The following LAMA2 variants were observed in gnomAD, a reference collection of about 807,000 sequenced individuals.
LAMA2 encodes laminin subunit alpha-2.
A neutral mutation model predicts 364.8 loss-of-function variants in LAMA2; 269 were observed. The observed-to-expected ratio is 0.74, with a 90% CI of 0.67 to 0.82. The LOEUF is 0.82. Among genes scored for constraint, LAMA2 ranks in the 40% least tolerant of loss-of-function variants. The pLI is 0.00. For missense variants in LAMA2, 3,807 were observed against 3,873.2 expected, an observed-to-expected ratio of 0.98 and a Z score of 0.45; for synonymous variants, 1,379 against 1,370.6, an observed-to-expected ratio of 1.01 and a Z score of -0.14.
intron 1 of LAMA2, among the ~76,000 whole-genome samples, chr6:128,958,850 C>G (rs1361488135): frequency 1.3e-5 from 2 of 152,084 alleles, no homozygotes; most frequent in African/African-American, 4.8e-5. Context: ...CTAGCATTTA[C>G]CCCCGGATTT....
intron 1 of LAMA2, among the ~76,000 whole-genome samples, chr6:129,005,640 T>A (rs1331973080): frequency 6.6e-6 from 1 of 151,526 alleles, no homozygotes; most frequent in African/African-American, 2.4e-5. Flanking sequence ...CATTATTTTA[T>A]ACTGAAAAGT....
rs537213397 is a variant in LAMA2 at position 129,344,532 on chromosome 6, G to T, written c.4436+2065G>T. ...AACATATCTGTCTGAATGGAAATAT[G>T]CAAATAGCTGCAGGAAATGGAAATC... is the stretch of plus-strand genomic sequence containing the variant. On this transcript the variant is annotated intron_variant, in intron 30 of 64. Coordinates refer to ENST00000421865, the MANE Select transcript of LAMA2 (RefSeq NM_000426.4). 2.6e-5 allele frequency among the ~76,000 whole-genome samples: 4 copies of T among 152,320 alleles called. No individual in the cohort carries two copies. In the East Asian group the frequency reaches 7.7e-4, roughly 29 times the overall value.
At chr6:128,912,564 T>C (rs926741756) in intron 1 of LAMA2, among the ~76,000 whole-genome samples, 3 of 152,156 alleles carry the variant, frequency 2.0e-5, no homozygotes, top group South Asian at 2.1e-4. Context: ...AAGGCAGTGA[T>C]ACAAAAGGAA....
intron 4 of LAMA2, among the ~76,000 whole-genome samples, chr6:129,113,543 C>T (rs536183613): frequency 1.6e-4 from 25 of 152,052 alleles, no homozygotes; most frequent in Admixed American, 1.3e-3. Flanking sequence ...ATGACATACC[C>T]TCTACTAGTT....
chr6:128,995,439 A>G (rs1783868811), intron 1 of LAMA2, among the ~76,000 whole-genome samples: 1 of 152,194 alleles, frequency 6.6e-6, no homozygotes, highest in South Asian at 2.1e-4. Flanking sequence ...CTCCTGCTTC[A>G]GCCTCCATAG....
At chr6:129,217,175 G>A (rs1016962118) in intron 12 of LAMA2, among the ~76,000 whole-genome samples, 4 of 139,242 alleles carry the variant, frequency 2.9e-5, no homozygotes, top group East Asian at 4.0e-4. Context: ...GTGACAGAGC[G>A]AGACTCCATC....
chr6:129,095,175 A>G (rs74615293), intron 3 of LAMA2, among the ~76,000 whole-genome samples: 2 of 152,358 alleles, frequency 1.3e-5, no homozygotes, highest in East Asian at 3.9e-4. Context: ...ACCCTGAGAT[A>G]ACTTGTGGCT....
intron 15 of LAMA2, 35 bp from the exon 16 acceptor site, chr6:129,267,071 C>A: frequency 7.4e-7 from 1 of 1,346,438 alleles, no homozygotes; most frequent in Non-Finnish European, 1.1e-6. Flanking sequence ...TTGTTTTAAT[C>A]TCCAAGACTG....
intron 40 of LAMA2, among the ~76,000 whole-genome samples, chr6:129,408,204 A>G (rs549864049): frequency 2.0e-5 from 3 of 152,228 alleles, no homozygotes; most frequent in South Asian, 2.1e-4. Flanking sequence ...AACACTGGCT[A>G]TGGGAGAAAC....
chr6:129,410,445 G>A (rs557446929), intron 40 of LAMA2, among the ~76,000 whole-genome samples: 1 of 152,084 alleles, frequency 6.6e-6, no homozygotes, highest in African/African-American at 2.4e-5. Context: ...CTCTGTCTCT[G>A]TCTCTCTTAC....
chr6:129,119,734 C>G (rs754370448), intron 4 of LAMA2, among the ~76,000 whole-genome samples: 30 of 152,032 alleles, frequency 2.0e-4, no homozygotes, highest in East Asian at 3.9e-4. Flanking sequence ...ATTTTTAGTA[C>G]AGACGGGGTT....
intron 22 of LAMA2, among the ~76,000 whole-genome samples, chr6:129,309,287 A>G (rs1774065327): frequency 6.6e-6 from 1 of 152,090 alleles, no homozygotes; most frequent in African/African-American, 2.4e-5. Context: ...AACAAATATT[A>G]CCTCTATTTA....
chr6:128,897,168 G>C (rs927646997), intron 1 of LAMA2, among the ~76,000 whole-genome samples: 1 of 152,224 alleles, frequency 6.6e-6, no homozygotes, highest in African/African-American at 2.4e-5. Context: ...AACCCTGAAA[G>C]AGTACAAATT....
intron 1 of LAMA2, among the ~76,000 whole-genome samples, chr6:128,896,440 G>T (rs186510098): frequency 1.3e-5 from 2 of 150,154 alleles, no homozygotes; most frequent in East Asian, 3.9e-4. Context: ...ACACATTCCA[G>T]TAACACTGAA....
intron 1 of LAMA2, among the ~76,000 whole-genome samples, chr6:128,969,752 A>G (rs1309112576): frequency 6.6e-6 from 1 of 152,164 alleles, no homozygotes; most frequent in African/African-American, 2.4e-5. Context: ...TATTATGTAC[A>G]CAGAAGTTAC....
intron 1 of LAMA2, among the ~76,000 whole-genome samples, chr6:128,997,766 G>A (rs1784080888): frequency 6.6e-6 from 1 of 152,158 alleles, no homozygotes; most frequent in South Asian, 2.1e-4. Flanking sequence ...TTGCACTCCA[G>A]CCTGGCCAAC....
chr6:129,487,334 A>G (rs928141606), intron 56 of LAMA2, among the ~76,000 whole-genome samples: 3 of 152,232 alleles, frequency 2.0e-5, no homozygotes, highest in Middle Eastern at 3.2e-3. Context: ...CTTTATTAGG[A>G]AAGTCATCTG....
chr6:129,112,149 A>T (rs187620205), intron 4 of LAMA2, among the ~76,000 whole-genome samples: 9 of 152,144 alleles, frequency 5.9e-5, no homozygotes, highest in Admixed American at 5.9e-4. Context: ...TCTTCAGGAT[A>T]AACTACCTTT....
At chr6:129,132,412 C>T (rs552984238) in intron 4 of LAMA2, among the ~76,000 whole-genome samples, 5 of 152,236 alleles carry the variant, frequency 3.3e-5, no homozygotes, top group South Asian at 2.1e-4. Flanking sequence ...GTGATCGGCC[C>T]GCCTCGGCCT....
Sources: gnomAD v4.1 joint callset for allele counts (sites outside exome capture counted in the v4.1 genomes callset) on GRCh38, gnomAD v4.1.1 for gene constraint, MANE v1.5 for transcripts, NCBI Gene and HGNC (gene_info 2026-07-23, HGNC 2026-07-21) for gene names.